AKAP6: variants seen among roughly 807,000 people sequenced by gnomAD.
AKAP6 encodes A-kinase anchoring protein 6.
AKAP6 carries 58 observed loss-of-function variants against 188.5 expected under a neutral mutation model. The ratio of observed to expected loss-of-function variants is 0.31; its 90% CI spans 0.25 to 0.38. AKAP6 has a LOEUF of 0.38. Among genes scored for constraint, AKAP6 ranks in the 10% least tolerant of loss-of-function variants. The pLI is 1.00. For missense variants in AKAP6, 2,710 were observed against 2,740.0 expected (o/e 0.99, Z 0.24); for synonymous variants, 989 against 998.6 (o/e 0.99, Z 0.18).
intron 2 of AKAP6, among the ~76,000 whole-genome samples, chr14:32,488,596 G>C (rs923581930): frequency 4.6e-5 from 7 of 152,182 alleles, no homozygotes; most frequent in Admixed American, 4.6e-4. Context: ...AACTCCTGCA[G>C]CTAGCTAGGT....
rs1034120517 is a variant in AKAP6, at chr14:32,812,265, G to A, written c.3589-9137G>A. 2.6e-5 allele frequency among the ~76,000 whole-genome samples: 4 copies of A among 152,098 alleles called. No individual in the cohort carries two copies. In the East Asian group the frequency reaches 7.7e-4, roughly 29 times the overall value. On this transcript the variant is annotated intron_variant, in intron 12 of 13. Transcript: ENST00000280979. ...AATGCCACCATTTCATTGCAGTTGG[G>A]ATTTTTACAACTTCATTGATGTTAT...
At chr14:32,597,565 T>C (rs773143789) in intron 5 of AKAP6, among the ~76,000 whole-genome samples, 2 of 152,146 alleles carry the variant, frequency 1.3e-5, no homozygotes, top group African/African-American at 2.4e-5. Flanking sequence ...TAATATATAG[T>C]TTGGATTGAT....
Position 32,822,530 on chromosome 14 carries a change from C to G in AKAP6, c.4717C>G (p.Pro1573Ala). 1 of 1,614,008 alleles carries G rather than the reference C, an allele frequency of 6.2e-7. No individual in the cohort carries two copies. The highest frequency in any genetic ancestry group is 1.1e-5 in the South Asian group (1 of 91,080). ...TAGTTCATCTATTGAGTCCCTTTCTCCAGGGGGTGATTTATTTGGATTGGG... is the reference window on the plus strand; with the variant it reads ...TAGTTCATCTATTGAGTCCCTTTCTGCAGGGGGTGATTTATTTGGATTGGG... Reference protein sequence around the residue: ...SHSSSIESLSPGGDLFGLGIF... With the variant: ...SHSSSIESLSAGGDLFGLGIF... The change falls in exon 13 of 14, where the codon CCA becomes GCA. Residue 1573 changes from proline to alanine, a missense_variant. Physicochemically the swap from Pro to Ala is conservative, Grantham distance 27 (BLOSUM62 -1). Transcript: ENST00000280979.
intron 4 of AKAP6, among the ~76,000 whole-genome samples, chr14:32,553,452 G>A (rs146793059): frequency 2.6e-4 from 40 of 152,170 alleles, no homozygotes; most frequent in Middle Eastern, 6.8e-3. Flanking sequence ...GATTACAGGC[G>A]TGAGCCACCG....
chr14:32,728,469 T>C (rs1411351597), intron 9 of AKAP6, among the ~76,000 whole-genome samples: 1 of 152,014 alleles, frequency 6.6e-6, no homozygotes, highest in Non-Finnish European at 1.5e-5. Flanking sequence ...TGTGGCATTA[T>C]ATTTGTACCA....
chr14:32,341,014 T>C (rs1886871758), intron 1 of AKAP6, among the ~76,000 whole-genome samples: 1 of 152,254 alleles, frequency 6.6e-6, no homozygotes, highest in South Asian at 2.1e-4. Flanking sequence ...CAGACAATAG[T>C]ATTTATATAC....
chr14:32,380,664 C>A (rs1888325181), intron 1 of AKAP6, among the ~76,000 whole-genome samples: 1 of 152,116 alleles, frequency 6.6e-6, no homozygotes, highest in African/African-American at 2.4e-5. Context: ...AAAGCAATCC[C>A]AACACACAGA....
chr14:32,624,791 A>G (rs943649122), intron 7 of AKAP6, among the ~76,000 whole-genome samples: 3 of 152,148 alleles, frequency 2.0e-5, no homozygotes, highest in Middle Eastern at 3.2e-3. Flanking sequence ...AGTTATTACC[A>G]ATTGCTATTA....
intron 8 of AKAP6, among the ~76,000 whole-genome samples, chr14:32,688,440 A>C (rs1890026239): frequency 6.6e-6 from 1 of 152,158 alleles, no homozygotes; most frequent in African/African-American, 2.4e-5. Context: ...ATAATTTAGG[A>C]AAAAGTAAAG....
chr14:32,744,160 G>C (rs2031792813), intron 11 of AKAP6, among the ~76,000 whole-genome samples: 1 of 152,026 alleles, frequency 6.6e-6, no homozygotes, highest in South Asian at 2.1e-4. Context: ...CCATATTGGA[G>C]CTCCATTGTA....
At chr14:32,637,635 G>A (rs1887558486) in intron 7 of AKAP6, among the ~76,000 whole-genome samples, 1 of 152,048 alleles carries the variant, frequency 6.6e-6, no homozygotes. Context: ...GAAAAAACAG[G>A]AATGCAGAAG....
At chr14:32,576,421 T>C (rs189399823) in intron 4 of AKAP6, among the ~76,000 whole-genome samples, 1 of 152,294 alleles carries the variant, frequency 6.6e-6, no homozygotes, top group East Asian at 1.9e-4. Flanking sequence ...TAAAATTTTA[T>C]AACCACTATT....
intron 7 of AKAP6, among the ~76,000 whole-genome samples, chr14:32,639,846 G>A (rs532923418): frequency 1.3e-5 from 2 of 152,088 alleles, no homozygotes; most frequent in Non-Finnish European, 2.9e-5. Flanking sequence ...TTATGAAACT[G>A]GAGAAAGACC....
intron 5 of AKAP6, among the ~76,000 whole-genome samples, chr14:32,594,365 A>C (rs1885604767): frequency 6.6e-6 from 1 of 152,150 alleles, no homozygotes; most frequent in Non-Finnish European, 1.5e-5. Flanking sequence ...TACAATTTGG[A>C]ATCTTCATTT....
At chr14:32,595,941 G>T (rs949068661) in intron 5 of AKAP6, among the ~76,000 whole-genome samples, 5 of 151,990 alleles carry the variant, frequency 3.3e-5, no homozygotes, top group Admixed American at 6.6e-5. Flanking sequence ...GCTTGACAAA[G>T]ACTACTCAAT....
chr14:32,728,348 T>TTCTATCTA (rs143615571), intron 9 of AKAP6, among the ~76,000 whole-genome samples: 2,618 of 141,066 alleles, frequency 0.019, 25 homozygotes, highest in African/African-American at 0.021. Flanking sequence ...TCTCAGTGTA[T>TTCTATCTA]TCTATCTATC....
chr14:32,812,010 G>T (rs1000813489), intron 12 of AKAP6, among the ~76,000 whole-genome samples: 2 of 152,060 alleles, frequency 1.3e-5, no homozygotes, highest in Admixed American at 6.5e-5. Flanking sequence ...TTTTATTAAC[G>T]TAAGATCATT....
chr14:32,528,102 A>G (rs981663878), intron 2 of AKAP6, among the ~76,000 whole-genome samples: 1 of 152,192 alleles, frequency 6.6e-6, no homozygotes, highest in South Asian at 2.1e-4. Flanking sequence ...TAGGTCTGTG[A>G]TATATTTTGA....
In AKAP6 at chr14:32,824,158, C is replaced by T. The variant is rs1351849779; in HGVS notation, c.6345C>T (p.Leu2115=). Residue 2115 remains leucine (L), a synonymous_variant, in exon 13 of 14, where the codon CTC becomes CTT. Transcript: ENST00000280979. ...GGGACTTTTATTCGTACTTATCTCT[C>T]TCATCTCATGACAGTGATTGTGGGG... is the stretch of plus-strand genomic sequence containing the variant. ...RKGDFYSYLS[L]SSHDSDCGEV... 6 of 1,613,998 alleles carry T rather than the reference C, an allele frequency of 3.7e-6. No homozygotes were observed. Among genetic ancestry groups the T allele is most frequent in the Non-Finnish European group, 4.2e-6 (5 of 1,179,930 alleles).
Sources: gnomAD v4.1 joint callset for allele counts (sites outside exome capture counted in the v4.1 genomes callset) on GRCh38, gnomAD v4.1.1 for gene constraint, MANE v1.5 for transcripts, NCBI Gene and HGNC (gene_info 2026-07-23, HGNC 2026-07-21) for gene names.